The following MGMT variants were observed in gnomAD, a reference collection of about 807,000 sequenced individuals.
MGMT encodes methylated-DNA--protein-cysteine methyltransferase.
In MGMT, 14 loss-of-function variants were observed where a neutral mutation model predicts 15.9. The observed-to-expected ratio is 0.88, with a 90% CI of 0.58 to 1.37. The LOEUF (loss-of-function observed/expected upper bound fraction) is 1.37, where lower values mean the gene tolerates loss of function less well. Ranked by LOEUF, MGMT falls within the 40% of genes most tolerant of loss-of-function variation. MGMT has a pLI of 0.00. For missense variants in MGMT, 282 were observed against 268.1 expected (o/e 1.05, Z -0.36); for synonymous variants, 130 against 118.2 (o/e 1.10, Z -0.65).
At chr10:129,672,626 C>A (rs918435738) in intron 2 of MGMT, among the ~76,000 whole-genome samples, 1 of 152,136 alleles carries the variant, frequency 6.6e-6, no homozygotes, top group African/African-American at 2.4e-5. Context: ...TGGTTTTAAA[C>A]CCATTCATAG....
At chr10:129,652,065 A>G (rs986248157) in intron 2 of MGMT, among the ~76,000 whole-genome samples, 3 of 152,172 alleles carry the variant, frequency 2.0e-5, no homozygotes, top group Non-Finnish European at 4.4e-5. Context: ...TGCTGTCGGA[A>G]GCCGGGGTTT....
At chr10:129,740,632 A>G (rs1005128468) in intron 3 of MGMT, among the ~76,000 whole-genome samples, 1 of 152,146 alleles carries the variant, frequency 6.6e-6, no homozygotes, top group Admixed American at 6.5e-5. Context: ...CGTTCTAGGA[A>G]GTAGCTCAGC....
chr10:129,511,985 G>T (rs904247368), intron 1 of MGMT, among the ~76,000 whole-genome samples: 7 of 152,214 alleles, frequency 4.6e-5, no homozygotes, highest in Non-Finnish European at 8.8e-5. Context: ...TTTCCAGGTC[G>T]AGGATTTAAA....
At chr10:129,502,062 C>T (rs951734992) in intron 1 of MGMT, among the ~76,000 whole-genome samples, 2 of 152,234 alleles carry the variant, frequency 1.3e-5, no homozygotes, top group Non-Finnish European at 2.9e-5. Context: ...AAGGCCGCTG[C>T]TGGGGCTAGC....
chr10:129,691,405 C>T lies in MGMT; in HGVS notation c.126-16490C>T, dbSNP rs184105478. On this transcript the variant is annotated intron_variant, in intron 2 of 4. Coordinates refer to ENST00000651593, the MANE Select transcript of MGMT (RefSeq NM_002412.5). ...GGAGAGCACAGCAGGCAGCTGGGCC[C>T]AGACGTCAGCCCCAGGCAGTGTCCT... is the stretch of plus-strand genomic sequence containing the variant. 2.7e-3 allele frequency among the ~76,000 whole-genome samples: 407 copies of T among 152,350 alleles called. 6 individuals are homozygous for T. The highest frequency in any genetic ancestry group is 4.4e-4 in the Non-Finnish European group (30 of 68,036).
chr10:129,708,703 T>G (rs1209960038), intron 3 of MGMT, among the ~76,000 whole-genome samples: 1 of 152,208 alleles, frequency 6.6e-6, no homozygotes, highest in Admixed American at 6.5e-5. Flanking sequence ...TGCCAGAAAT[T>G]TATTTTGCAT....
intron 3 of MGMT, among the ~76,000 whole-genome samples, chr10:129,725,682 C>T (rs1349618766): frequency 6.6e-6 from 1 of 152,230 alleles, no homozygotes; most frequent in Non-Finnish European, 1.5e-5. Flanking sequence ...GGGCAGGCTA[C>T]AGCCTGCAGG....
intron 2 of MGMT, among the ~76,000 whole-genome samples, chr10:129,673,847 C>T (rs1847754174): frequency 6.6e-6 from 1 of 152,106 alleles, no homozygotes; most frequent in Non-Finnish European, 1.5e-5. Flanking sequence ...AGTTGATGCT[C>T]GTGCGAAAAA....
chr10:129,607,571 T>C (rs1024506147), intron 2 of MGMT, among the ~76,000 whole-genome samples: 7 of 152,226 alleles, frequency 4.6e-5, no homozygotes, highest in Non-Finnish European at 1.0e-4. Flanking sequence ...TTCTGCCCTT[T>C]TAAAGGGTCC....
At chr10:129,748,609 G>A (rs972726989) in intron 3 of MGMT, among the ~76,000 whole-genome samples, 2 of 152,122 alleles carry the variant, frequency 1.3e-5, no homozygotes, top group Admixed American at 1.3e-4. Context: ...TGGGGGTGGT[G>A]TTGTTTCTAA....
chr10:129,555,944 G>T (rs997130253), intron 2 of MGMT, among the ~76,000 whole-genome samples: 3 of 152,178 alleles, frequency 2.0e-5, no homozygotes, highest in Non-Finnish European at 4.4e-5. Flanking sequence ...CAGGCATTCG[G>T]AGAACTGAGC....
At chr10:129,694,557 G>A (rs536807357) in intron 2 of MGMT, among the ~76,000 whole-genome samples, 1 of 152,306 alleles carries the variant, frequency 6.6e-6, no homozygotes, top group East Asian at 1.9e-4. Flanking sequence ...ATCTTAATTG[G>A]CTAGCTTCGA....
rs112252030 is a variant in MGMT, at chr10:129,532,801, G to T, written c.-12-3440G>T. 0.045 allele frequency among the ~76,000 whole-genome samples: 6,905 copies of T among 152,244 alleles called. 222 individuals carry two copies. The highest frequency in any genetic ancestry group is 0.082 in the Middle Eastern group (24 of 294). On this transcript the variant is annotated intron_variant, in intron 1 of 4. Transcript: ENST00000651593. This position sits in a 1 kb window ranked among gnomAD's most constrained non-coding sequence, Gnocchi z 5.3. ...TGGCACTGTCAGGTAGAGGAGTCAG[G>T]GGTCTTATTGATGAGGAAATAGAGG...
chr10:129,714,926 A>G (rs1300354285), intron 3 of MGMT, among the ~76,000 whole-genome samples: 2 of 152,146 alleles, frequency 1.3e-5, no homozygotes, highest in African/African-American at 2.4e-5. Context: ...CAGCGATCCC[A>G]CAATGCCTGT....
In MGMT at chr10:129,469,099, C is replaced by T. The variant is rs192215933; in HGVS notation, c.-13+1803C>T. ...ACTTTTCGTTGTTTGGGTTTCCTCC[C>T]CAGGTGTCTCAATCAGGGCCTCCTC... On this transcript the variant is annotated intron_variant, in intron 1 of 4. Coordinates refer to ENST00000651593, the MANE Select transcript of MGMT (RefSeq NM_002412.5). Among the ~76,000 whole-genome samples the T allele has an allele frequency of 1.9e-3, 295 of 152,140 alleles. 1 individual carries two copies. The highest frequency in any genetic ancestry group is 6.5e-3 in the African/African-American group (269 of 41,492).
At chr10:129,688,384 T>G (rs1847933690) in intron 2 of MGMT, among the ~76,000 whole-genome samples, 1 of 152,262 alleles carries the variant, frequency 6.6e-6, no homozygotes, top group Non-Finnish European at 1.5e-5. Context: ...ATCGCCATTC[T>G]AACTGGTGTG....
chr10:129,492,688 T>C (rs1203344942), intron 1 of MGMT, among the ~76,000 whole-genome samples: 1 of 152,146 alleles, frequency 6.6e-6, no homozygotes, highest in Non-Finnish European at 1.5e-5. Context: ...TCAGCAAGTG[T>C]TTCTGGGCAG....
chr10:129,528,933 T>TGAAGGTG (rs1845899474), intron 1 of MGMT, among the ~76,000 whole-genome samples: 1 of 152,040 alleles, frequency 6.6e-6, no homozygotes, highest in African/African-American at 2.4e-5. Context: ...TACATTCTAG[T>TGAAGGTG]GAAGGTGACA....
intron 1 of MGMT, among the ~76,000 whole-genome samples, chr10:129,495,620 C>T (rs560202769): frequency 2.3e-4 from 35 of 152,322 alleles, no homozygotes; most frequent in South Asian, 2.1e-3. Context: ...CAAAATTCTG[C>T]AGCCGTTTTG....
Sources: allele counts gnomAD v4.1 joint callset (sites outside exome capture counted in the v4.1 genomes callset), GRCh38; gene constraint gnomAD v4.1.1; non-coding constraint Gnocchi (gnomAD v3.1); transcripts MANE v1.5; gene names NCBI Gene and HGNC (gene_info 2026-07-23, HGNC 2026-07-21).